Variants in SH3RF3 observed in about 807,000 individuals in gnomAD.
SH3RF3 encodes the protein E3 ubiquitin-protein ligase SH3RF3.
Under a neutral mutation model 66.3 loss-of-function variants are expected in SH3RF3, and 29 were observed. The ratio of observed to expected loss-of-function variants is 0.44; its 90% confidence interval spans 0.33 to 0.60. The LOEUF (loss-of-function observed/expected upper bound fraction) is 0.60, where lower values mean the gene tolerates loss of function less well. Ranked by LOEUF, SH3RF3 falls within the 20% of genes least tolerant of loss-of-function variation. The pLI, the probability that SH3RF3 is intolerant of heterozygous loss-of-function variation, is 0.04. For synonymous variants in SH3RF3, 583 were observed against 532.0 expected (o/e 1.10, Z -1.32); for missense variants, 1,194 against 1,190.9 (o/e 1.00, Z -0.04).
At chr2:109,328,857 C>T (rs1226199980) in intron 1 of SH3RF3, among the ~76,000 whole-genome samples, 1 of 152,178 alleles carries the variant, frequency 6.6e-6, no homozygotes, top group Non-Finnish European at 1.5e-5. Flanking sequence ...GTCTGAGTGT[C>T]AAATATATCC....
intron 4 of SH3RF3, among the ~76,000 whole-genome samples, chr2:109,406,406 C>G (rs1676454233): frequency 6.6e-6 from 1 of 152,054 alleles, no homozygotes; most frequent in African/African-American, 2.4e-5. Flanking sequence ...GTGCCCAGGT[C>G]CATCACTGAG....
intron 1 of SH3RF3, among the ~76,000 whole-genome samples, chr2:109,143,928 G>A (rs1677028544): frequency 6.6e-6 from 1 of 152,148 alleles, no homozygotes; most frequent in South Asian, 2.1e-4. Flanking sequence ...GACGTTATGC[G>A]AAGTGAAACA....
At chr2:109,210,954 G>A (rs1678960540) in intron 1 of SH3RF3, among the ~76,000 whole-genome samples, 1 of 152,204 alleles carries the variant, frequency 6.6e-6, no homozygotes, top group Non-Finnish European at 1.5e-5. Context: ...CCTCCCAGTG[G>A]GCTGGGTTTG....
intron 1 of SH3RF3, among the ~76,000 whole-genome samples, chr2:109,337,198 A>G (rs1246619146): frequency 6.6e-6 from 1 of 152,166 alleles, no homozygotes; most frequent in Admixed American, 6.5e-5. Context: ...GATTGGCCAC[A>G]TGATTTAAAG....
chr2:109,478,129 A>T (rs1337194597), intron 8 of SH3RF3, among the ~76,000 whole-genome samples: 2 of 152,194 alleles, frequency 1.3e-5, no homozygotes, highest in African/African-American at 4.8e-5. Flanking sequence ...GCCGGAGAGG[A>T]GCTGCCTGAT....
At chr2:109,458,906 G>T (rs543424176) in intron 8 of SH3RF3, among the ~76,000 whole-genome samples, 1 of 152,272 alleles carries the variant, frequency 6.6e-6, no homozygotes, top group Admixed American at 6.5e-5. Context: ...AAACAACTGG[G>T]TACCTGCCTA....
At chr2:109,216,998 A>C (rs1490305384) in intron 1 of SH3RF3, among the ~76,000 whole-genome samples, 1 of 152,178 alleles carries the variant, frequency 6.6e-6, no homozygotes, top group Non-Finnish European at 1.5e-5. Flanking sequence ...TGTTTCTTTG[A>C]ATTTGGCTGG....
chr2:109,234,975 C>G (rs1478454715), intron 1 of SH3RF3, among the ~76,000 whole-genome samples: 1 of 152,216 alleles, frequency 6.6e-6, no homozygotes, highest in African/African-American at 2.4e-5. Context: ...GTCACCAGAT[C>G]CCAACGTTTG....
At chr2:109,248,529 T>G (rs112084496) in intron 1 of SH3RF3, among the ~76,000 whole-genome samples, 46 of 152,358 alleles carry the variant, frequency 3.0e-4, no homozygotes, top group African/African-American at 1.1e-3. Flanking sequence ...ATTAAATGGA[T>G]GTTACTACCC....
intron 1 of SH3RF3, among the ~76,000 whole-genome samples, chr2:109,272,186 C>G (rs1270836352): frequency 3.9e-5 from 6 of 152,210 alleles, no homozygotes; most frequent in African/African-American, 1.4e-4. Flanking sequence ...CAGAACCCCC[C>G]ACAGCCCTCT....
intron 1 of SH3RF3, among the ~76,000 whole-genome samples, chr2:109,138,824 A>G (rs1272076549): frequency 6.6e-6 from 1 of 152,196 alleles, no homozygotes; most frequent in Non-Finnish European, 1.5e-5. Context: ...GTCCACACAT[A>G]TGTACTGACT....
chr2:109,403,522 C>A (rs1371892003), intron 4 of SH3RF3, among the ~76,000 whole-genome samples: 3 of 152,248 alleles, frequency 2.0e-5, no homozygotes, highest in African/African-American at 7.2e-5. Flanking sequence ...ACATGGTTAT[C>A]ACTTAACTTT....
intron 1 of SH3RF3, among the ~76,000 whole-genome samples, chr2:109,268,466 G>C (rs1258631176): frequency 6.6e-6 from 1 of 152,128 alleles, no homozygotes; most frequent in Non-Finnish European, 1.5e-5. Flanking sequence ...TGTGGCTGCA[G>C]CAGCTCCTTT....
chr2:109,281,559 T>A (rs1386625002), intron 1 of SH3RF3, among the ~76,000 whole-genome samples: 1 of 152,194 alleles, frequency 6.6e-6, no homozygotes, highest in African/African-American at 2.4e-5. Flanking sequence ...GGTGATTCAC[T>A]GTGGGAGAGT....
At chr2:109,317,315 C>A (rs1476254643) in intron 1 of SH3RF3, among the ~76,000 whole-genome samples, 1 of 152,148 alleles carries the variant, frequency 6.6e-6, no homozygotes. Flanking sequence ...CAATGCCTGT[C>A]CCTGAGGGGG....
chr2:109,422,375 A>G (rs1676905484), intron 5 of SH3RF3, among the ~76,000 whole-genome samples: 1 of 152,224 alleles, frequency 6.6e-6, no homozygotes, highest in Non-Finnish European at 1.5e-5. Flanking sequence ...ATGTGCACTG[A>G]AACATGAGCC....
intron 1 of SH3RF3, among the ~76,000 whole-genome samples, chr2:109,190,478 T>A (rs1678323004): frequency 6.6e-6 from 1 of 152,244 alleles, no homozygotes; most frequent in Non-Finnish European, 1.5e-5. Flanking sequence ...CTGGTCGACA[T>A]CCTATTTTTA....
intron 1 of SH3RF3, among the ~76,000 whole-genome samples, chr2:109,238,606 C>T (rs991605516): frequency 3.3e-5 from 5 of 151,960 alleles, no homozygotes; most frequent in African/African-American, 7.3e-5. Flanking sequence ...AATTCTTTTT[C>T]GCATTATGGA....
intron 1 of SH3RF3, among the ~76,000 whole-genome samples, chr2:109,325,374 CT>C (rs1299309579): frequency 3.0e-4 from 33 of 109,486 alleles, no homozygotes; most frequent in African/African-American, 1.1e-3. Flanking sequence ...CCAGGTCTTG[CT>C]CTGTCACTCA....
Sources: allele counts gnomAD v4.1 joint callset (sites outside exome capture counted in the v4.1 genomes callset), GRCh38; gene constraint gnomAD v4.1.1; transcripts MANE v1.5; gene names NCBI Gene and HGNC (gene_info 2026-07-23, HGNC 2026-07-21).